PLXNA2: variants seen among roughly 807,000 people sequenced by gnomAD.
PLXNA2 encodes plexin A2, also known as plexin-A2.
A neutral mutation model predicts 193.5 loss-of-function variants in PLXNA2; 91 were observed. That is an observed-to-expected ratio of 0.47 (90% CI 0.40 to 0.56). The LOEUF (loss-of-function observed/expected upper bound fraction) is 0.56. Among genes scored for constraint, PLXNA2 ranks in the 20% least tolerant of loss-of-function variants. The probability of loss-of-function intolerance (pLI) is 0.00; values close to 1 mark genes in which losing one functional copy is unlikely to be tolerated. For missense variants in PLXNA2, 1,995 were observed against 2,503.2 expected, an observed-to-expected ratio of 0.80 and a Z score of 4.33; for synonymous variants, 997 against 1,027.3, an observed-to-expected ratio of 0.97 and a Z score of 0.56.
Position 208,225,407 on chromosome 1 carries a change from A to G in PLXNA2, c.-80-7405T>C, listed in dbSNP as rs1447694020. Among the ~76,000 whole-genome samples the G allele has an allele frequency of 2.0e-5, 3 of 152,068 alleles. No individual in the cohort carries two copies. In the East Asian group the frequency reaches 5.8e-4, roughly 29 times the overall value. On this transcript the variant is annotated intron_variant, in intron 1 of 31. Transcript: ENST00000367033. Reference sequence around the variant, plus strand: ...AGCCTCCATCTCCTGGACTCAAACCATCCTCCCACATCAGCCCTAGGAACC... The same window carrying G: ...AGCCTCCATCTCCTGGACTCAAACCGTCCTCCCACATCAGCCCTAGGAACC...
intron 4 of PLXNA2, among the ~76,000 whole-genome samples, chr1:208,135,446 A>C (rs557781418): frequency 2.1e-4 from 32 of 152,208 alleles, no homozygotes; most frequent in Non-Finnish European, 4.0e-4. Flanking sequence ...TATAAGCAGC[A>C]TACCCTCCAT....
At chr1:208,209,421 C>G (rs945911413) in intron 3 of PLXNA2, among the ~76,000 whole-genome samples, 1 of 152,206 alleles carries the variant, frequency 6.6e-6, no homozygotes, top group African/African-American at 2.4e-5. Flanking sequence ...CCTTGATCCA[C>G]AGGTGCTGGG....
intron 17 of PLXNA2, among the ~76,000 whole-genome samples, chr1:208,046,843 T>TGTGTGTGG (rs1558163613): frequency 7.0e-6 from 1 of 143,784 alleles, no homozygotes; most frequent in Non-Finnish European, 1.5e-5. Context: ...TGTGTGTGTG[T>TGTGTGTGG]AGAGTGTGGA....
At chr1:208,171,059 TG>T (rs1486295756) in intron 3 of PLXNA2, among the ~76,000 whole-genome samples, 1 of 151,868 alleles carries the variant, frequency 6.6e-6, no homozygotes, top group East Asian at 1.9e-4. Context: ...CTGTAACGAG[TG>T]GTAACATCTC....
chr1:208,142,187 A>G (rs1312062966), intron 4 of PLXNA2, 142 bp downstream of exon 4: 2 of 875,970 alleles, frequency 2.3e-6, no homozygotes, highest in Non-Finnish European at 3.3e-6. Flanking sequence ...GCAAAAGCCT[A>G]CAGGCACTCT....
At chr1:208,205,669 T>C (rs965188438) in intron 3 of PLXNA2, among the ~76,000 whole-genome samples, 1 of 152,204 alleles carries the variant, frequency 6.6e-6, no homozygotes, top group Non-Finnish European at 1.5e-5. Context: ...GGAATCCCCT[T>C]GACAGCACCC....
intron 3 of PLXNA2, among the ~76,000 whole-genome samples, chr1:208,190,046 C>A (rs1670128189): frequency 6.6e-6 from 1 of 152,166 alleles, no homozygotes; most frequent in Non-Finnish European, 1.5e-5. Flanking sequence ...ACCACCCACA[C>A]CGAAGTCACC....
intron 3 of PLXNA2, among the ~76,000 whole-genome samples, chr1:208,171,551 C>T (rs1277201463): frequency 6.6e-6 from 1 of 152,170 alleles, no homozygotes; most frequent in Non-Finnish European, 1.5e-5. Context: ...GGTAATAGGC[C>T]TAGCAAGATG....
chr1:208,199,728 T>A (rs6671087), intron 3 of PLXNA2, among the ~76,000 whole-genome samples: 1 of 151,566 alleles, frequency 6.6e-6, no homozygotes, highest in African/African-American at 2.4e-5. Flanking sequence ...TAAAATGATA[T>A]AGGGAAGGGC....
intron 3 of PLXNA2, among the ~76,000 whole-genome samples, chr1:208,181,355 C>A (rs924236981): frequency 1.3e-5 from 2 of 152,182 alleles, no homozygotes; most frequent in Admixed American, 6.5e-5. Flanking sequence ...GGGGGCCAGA[C>A]CCTGAGGGGT....
chr1:208,187,087 G>GT (rs1435517588), intron 3 of PLXNA2, among the ~76,000 whole-genome samples: 1 of 152,116 alleles, frequency 6.6e-6, no homozygotes, highest in African/African-American at 2.4e-5. Context: ...ACATTTTTCA[G>GT]TTTTTTTGCA....
intron 1 of PLXNA2, among the ~76,000 whole-genome samples, chr1:208,220,408 G>A (rs907437341): frequency 1.3e-5 from 2 of 152,076 alleles, no homozygotes; most frequent in Non-Finnish European, 2.9e-5. Context: ...GGCACACAGT[G>A]AGCACTTAAC....
chr1:208,232,261 A>G (rs1262107846), intron 1 of PLXNA2, among the ~76,000 whole-genome samples: 1 of 152,128 alleles, frequency 6.6e-6, no homozygotes, highest in Non-Finnish European at 1.5e-5. Context: ...CCGGCCCTTT[A>G]TTGTGGGAAA....
intron 3 of PLXNA2, among the ~76,000 whole-genome samples, chr1:208,202,819 C>A (rs986316822): frequency 6.6e-6 from 1 of 152,150 alleles, no homozygotes; most frequent in South Asian, 2.1e-4. Flanking sequence ...AATAAAGCCC[C>A]GAGCTGCAGG....
intron 3 of PLXNA2, among the ~76,000 whole-genome samples, chr1:208,149,313 CTGT>C (rs1396561463): frequency 6.7e-6 from 1 of 150,198 alleles, no homozygotes; most frequent in Non-Finnish European, 1.5e-5. Flanking sequence ...GTGTGTAAAT[CTGT>C]TGTGTGCATG....
At chr1:208,148,540 T>C (rs1260289790) in intron 3 of PLXNA2, among the ~76,000 whole-genome samples, 1 of 152,174 alleles carries the variant, frequency 6.6e-6, no homozygotes, top group Non-Finnish European at 1.5e-5. Context: ...AAAAAAGATA[T>C]TGTGAATGTA....
Position 208,217,804 on chromosome 1 carries a change from G to A in PLXNA2, c.119C>T (p.Thr40Ile), listed in dbSNP as rs998000687. The change falls in exon 2 of 32, where the codon ACC (threonine) becomes ATC (isoleucine). Residue 40 changes from threonine (T) to isoleucine (I), a missense_variant. By Grantham distance (89) the Thr-to-Ile change is moderately conservative. This residue lies in a region of PLXNA2 where 702 missense variants were observed against 812.9 expected (regional missense o/e 0.86). Coordinates refer to ENST00000367033, the MANE Select transcript of PLXNA2 (RefSeq NM_025179.4). The surrounding 1 kb of genome is among the most constrained non-coding windows in gnomAD (Gnocchi z 4.7). ...CCAGTCACGATTCTCAGAGTGGAAG[G>A]TGCTGAACTGAGGCATGCCGGCTGC... Reference protein sequence around the residue: ...PPAAGMPQFSTFHSENRDWTF... With the variant: ...PPAAGMPQFSIFHSENRDWTF... 1.5e-5 allele frequency: 24 copies of A among 1,614,200 alleles called. No homozygotes were observed. Among genetic ancestry groups the A allele is most frequent in the Non-Finnish European group, 1.9e-5 (23 of 1,180,034 alleles).
chr1:208,241,469 C>A (rs1558262654), intron 1 of PLXNA2, among the ~76,000 whole-genome samples: 1 of 152,302 alleles, frequency 6.6e-6, no homozygotes, highest in African/African-American at 2.4e-5. Context: ...GGCTGAAAAG[C>A]TAGCCAGCCC....
At chr1:208,191,297 C>T (rs1670173602) in intron 3 of PLXNA2, among the ~76,000 whole-genome samples, 1 of 152,176 alleles carries the variant, frequency 6.6e-6, no homozygotes, top group Non-Finnish European at 1.5e-5. Flanking sequence ...AGAGATGGCT[C>T]CTGTCCTAGG....
Sources: allele counts gnomAD v4.1 joint callset (sites outside exome capture counted in the v4.1 genomes callset), GRCh38; gene constraint gnomAD v4.1.1; regional missense constraint gnomAD v4.1.1; non-coding constraint Gnocchi (gnomAD v3.1); transcripts MANE v1.5; gene names NCBI Gene and HGNC (gene_info 2026-07-23, HGNC 2026-07-21).